Variants in MYO7B observed in about 807,000 individuals in gnomAD.
MYO7B encodes the protein unconventional myosin-VIIb.
In MYO7B, 212 loss-of-function variants were observed where a neutral mutation model predicts 259.7. The ratio of observed to expected loss-of-function variants is 0.82; its 90% CI spans 0.73 to 0.91. The LOEUF is 0.91. Among genes scored for constraint, MYO7B ranks in the 40% least tolerant of loss-of-function variants. MYO7B has a pLI of 0.00. For synonymous variants in MYO7B, 1,197 were observed against 1,166.4 expected (o/e 1.03, Z -0.54); for missense variants, 2,732 against 2,813.5 (o/e 0.97, Z 0.66).
chr2:127,574,978 G>A (rs573116718), intron 7 of MYO7B, among the ~76,000 whole-genome samples: 14 of 152,146 alleles, frequency 9.2e-5, no homozygotes, highest in African/African-American at 1.7e-4. Context: ...GGGTGCTCTC[G>A]TATGATGGCA....
chr2:127,591,583 A>G (rs1679560027), intron 16 of MYO7B, among the ~76,000 whole-genome samples: 1 of 152,236 alleles, frequency 6.6e-6, no homozygotes, highest in Non-Finnish European at 1.5e-5. Context: ...GGAAATCGTC[A>G]GTGAAGCGCA....
intron 18 of MYO7B, among the ~76,000 whole-genome samples, chr2:127,593,975 C>T (rs922434180): frequency 1.3e-4 from 20 of 152,250 alleles, no homozygotes; most frequent in African/African-American, 4.3e-4. Context: ...GGCGGTCTGC[C>T]GGTGTCCTGA....
Position 127,546,762 on chromosome 2 carries a change from G to GTCCA in MYO7B, c.-24+10970_-24+10973dup, listed in dbSNP as rs3034060. ...ATGCCTCACCTGCTTTCCTGGGTAG[G>GTCCA]TCCATCCATCCATCCATCCATCCAT... On this transcript the variant is annotated intron_variant, in intron 1 of 47. Coordinates refer to ENST00000409816, the MANE Select transcript of MYO7B (RefSeq NM_001393586.1). This position sits in a 1 kb window ranked among gnomAD's most constrained non-coding sequence, Gnocchi z 4.2. 0.19 allele frequency among the ~76,000 whole-genome samples: 28,384 copies of GTCCA among 149,340 alleles called. 3,175 individuals are homozygous for GTCCA. The highest frequency in any genetic ancestry group is 0.4 in the South Asian group (1,831 of 4,588).
At chr2:127,536,923 C>T (rs1692803096) in intron 1 of MYO7B, among the ~76,000 whole-genome samples, 1 of 152,212 alleles carries the variant, frequency 6.6e-6, no homozygotes, top group Non-Finnish European at 1.5e-5. Flanking sequence ...GGGCCTGCTG[C>T]ATCCACAGCT....
chr2:127,626,782 AAAG>A, intron 31 of MYO7B, 190 bp from the exon 32 acceptor site: 3 of 564,144 alleles, frequency 5.3e-6, no homozygotes, highest in Non-Finnish European at 9.4e-6. Flanking sequence ...CTGTCTCAAA[AAAG>A]AAAAAAAAAG....
chr2:127,617,754 G>C (rs934363083), intron 26 of MYO7B, among the ~76,000 whole-genome samples: 1 of 150,362 alleles, frequency 6.7e-6, no homozygotes, highest in Admixed American at 6.6e-5. Context: ...CACCCGCCTC[G>C]GCCTCCCAAA....
intron 30 of MYO7B, 53 bp from the exon 31 acceptor site, chr2:127,625,315 G>T (rs548050947): frequency 6.2e-6 from 9 of 1,445,868 alleles, no homozygotes; most frequent in African/African-American, 2.9e-5. Context: ...CCTGGGGAAG[G>T]GGGGAGCTCT....
intron 1 of MYO7B, among the ~76,000 whole-genome samples, chr2:127,545,457 T>A (rs375448250): frequency 6.6e-6 from 1 of 152,166 alleles, no homozygotes; most frequent in East Asian, 1.9e-4. Context: ...GACCCTTCAG[T>A]TGGGGGACAT....
intron 10 of MYO7B, 118 bp from the exon 11 acceptor site, chr2:127,581,773 C>A: frequency 7.0e-7 from 1 of 1,426,328 alleles, no homozygotes; most frequent in South Asian, 1.3e-5. Context: ...CAGCGCCCAC[C>A]CTCCGGTGGG....
rs1301278226 is a variant in MYO7B at position 127,608,825 on chromosome 2, T to C, written c.2761T>C (p.Phe921Leu). The change falls in exon 22 of 48, where the codon TTC becomes CTC. Residue 921 changes from phenylalanine (F) to leucine (L), a missense_variant. Physicochemically the swap from Phe to Leu is conservative, Grantham distance 22. Transcript: ENST00000409816. The part of the protein sequence containing the change: ...DTEMVEKVFG[F>L]LPAMIGGQEG... The stretch of plus-strand genomic sequence containing the variant: ...GGAGATGGTGGAGAAGGTGTTCGGC[T>C]TCCTCCCTGCCATGATTGGGGGCCA... 2 of 1,613,354 alleles carry C rather than the reference T, an allele frequency of 1.2e-6. No individual in the cohort carries two copies. The highest frequency in any genetic ancestry group is 1.7e-6 in the Non-Finnish European group (2 of 1,179,826).
At chr2:127,594,560 G>C (rs1679690742) in intron 18 of MYO7B, among the ~76,000 whole-genome samples, 2 of 152,210 alleles carry the variant, frequency 1.3e-5, no homozygotes, top group South Asian at 4.1e-4. Flanking sequence ...CCAATTTAGT[G>C]GGGGAGGCAA....
At chr2:127,581,177 T>C (rs959374171) in intron 10 of MYO7B, among the ~76,000 whole-genome samples, 3 of 152,164 alleles carry the variant, frequency 2.0e-5, no homozygotes, top group African/African-American at 4.8e-5. Flanking sequence ...AGCCCTGCCC[T>C]GTGCCCTCAC....
In MYO7B at chr2:127,614,003, A is replaced by G. The variant is rs1387595113; in HGVS notation, c.3398+1400A>G. On this transcript the variant is annotated intron_variant, in intron 26 of 47. Coordinates refer to ENST00000409816, the MANE Select transcript of MYO7B (RefSeq NM_001393586.1). This position sits in a 1 kb window ranked among gnomAD's most constrained non-coding sequence, Gnocchi z 4.6. The stretch of plus-strand genomic sequence containing the variant: ...CTCTCCTCTGGTTCTTCAAGCCAGT[A>G]AGACTACAGGGCTTCTCAAGTTTTA... 2.0e-5 allele frequency among the ~76,000 whole-genome samples: 3 copies of G among 152,314 alleles called. No individual in the cohort carries two copies. Among genetic ancestry groups the G allele is most frequent in the East Asian group, 1.9e-4 (1 of 5,186 alleles).
At chr2:127,634,854 A>T in intron 42 of MYO7B, 171 bp downstream of exon 42, 1 of 687,542 alleles carries the variant, frequency 1.5e-6, no homozygotes, top group Non-Finnish European at 2.5e-6. Context: ...GCTCAGGCAG[A>T]AACAGGTGGC....
At position 127,633,339 on chromosome 2, in the gene MYO7B, C is replaced by A. The variant is rs1410765910; in HGVS notation, c.5487C>A (p.Ile1829=). The change falls in exon 40 of 48, where the codon ATC becomes ATA. Residue 1829 remains isoleucine, a synonymous_variant. Transcript: ENST00000409816. ...EQNVSRICHK[I]YFPNDTSEML... is the part of the protein sequence containing the mutation. ...ACGTCTCCCGCATCTGCCACAAGATCTACTTCCCCAATGACACCAGTGAGG... is the reference window on the plus strand; with the variant it reads ...ACGTCTCCCGCATCTGCCACAAGATATACTTCCCCAATGACACCAGTGAGG... 26 of 1,612,962 alleles carry A rather than the reference C, an allele frequency of 1.6e-5. No homozygotes were observed. In the African/African-American group the frequency reaches 3.1e-4, roughly 19 times the overall value.
rs775517416 is a variant in MYO7B, at chr2:127,628,067, C to T, written c.4461-305C>T. Reference sequence around the variant, plus strand: ...AGTAAGCACATGGCAGAGCCGGCAGCTCATCTCAGCTCTGACCTTTGCAGT... The same window carrying T: ...AGTAAGCACATGGCAGAGCCGGCAGTTCATCTCAGCTCTGACCTTTGCAGT... On this transcript the variant is annotated intron_variant, in intron 33 of 47. Transcript: ENST00000409816. The surrounding 1 kb of genome is among the most constrained non-coding windows in gnomAD (Gnocchi z 4.8). 1 of 576,186 alleles carries T rather than the reference C, an allele frequency of 1.7e-6. No individual in the cohort carries two copies. Among genetic ancestry groups the T allele is most frequent in the South Asian group, 1.5e-5 (1 of 65,642 alleles). 35.7% of individuals were successfully genotyped at this position (576,186 alleles called of 1,614,324 possible). A position where few individuals can be genotyped will look rare whatever the true frequency, so the allele number is the denominator to read the frequency against.
intron 12 of MYO7B, among the ~76,000 whole-genome samples, chr2:127,582,755 A>G (rs978087314): frequency 6.6e-6 from 1 of 152,166 alleles, no homozygotes; most frequent in Non-Finnish European, 1.5e-5. Flanking sequence ...AATCAATAAC[A>G]TGGATTCATC....
In MYO7B at chr2:127,634,589, T is replaced by A; in HGVS notation, c.5626-7T>A. 1 of 1,609,324 alleles carries A rather than the reference T, an allele frequency of 6.2e-7. No individual in the cohort carries two copies. Among genetic ancestry groups the A allele is most frequent in the Non-Finnish European group, 8.5e-7 (1 of 1,177,796 alleles). On this transcript the variant is annotated splice_polypyrimidine_tract_variant and splice_region_variant and intron_variant, in intron 41 of 47. Transcript: ENST00000409816. The stretch of plus-strand genomic sequence containing the variant: ...ACCCAACTTCCCTGTACCTTCCCCT[T>A]CCCCAGGTCATCAGCCAGAAGGAGG...
At chr2:127,600,531 G>A (rs972134249) in intron 19 of MYO7B, among the ~76,000 whole-genome samples, 6 of 152,168 alleles carry the variant, frequency 3.9e-5, no homozygotes, top group Non-Finnish European at 7.3e-5. Context: ...CCAACATGGC[G>A]AAACCCCGTC....
Sources: gnomAD v4.1 joint callset for allele counts (sites outside exome capture counted in the v4.1 genomes callset) on GRCh38, gnomAD v4.1.1 for gene constraint, Gnocchi (gnomAD v3.1) non-coding constraint, MANE v1.5 for transcripts, NCBI Gene and HGNC (gene_info 2026-07-23, HGNC 2026-07-21) for gene names.